The following YWHAE variants were observed in gnomAD, a reference collection of about 807,000 sequenced individuals.
The protein encoded by YWHAE is tyrosine 3-monooxygenase/tryptophan 5-monooxygenase activation protein epsilon.
YWHAE carries 4 observed loss-of-function variants against 30.1 expected under a neutral mutation model. That is an observed-to-expected ratio of 0.13 (90% CI 0.07 to 0.30). The LOEUF is 0.30. Among genes scored for constraint, YWHAE ranks in the 10% least tolerant of loss-of-function variants. YWHAE has a pLI of 1.00. For synonymous variants in YWHAE, 118 were observed against 111.8 expected (o/e 1.06, Z -0.35); for missense variants, 121 against 315.9 (o/e 0.38, Z 4.68).
At chr17:1,360,303 T>G (rs1389352435) in intron 4 of YWHAE, among the ~76,000 whole-genome samples, 2 of 152,132 alleles carry the variant, frequency 1.3e-5, no homozygotes, top group East Asian at 3.9e-4. Flanking sequence ...TACGTATAAA[T>G]ATTCCTTACA....
At chr17:1,381,047 G>C (rs576986238) in intron 1 of YWHAE, among the ~76,000 whole-genome samples, 1 of 152,248 alleles carries the variant, frequency 6.6e-6, no homozygotes, top group African/African-American at 2.4e-5. Flanking sequence ...ACTCACAAGG[G>C]GAAAGTTGTT....
chr17:1,380,200 G>A (rs1381209455), intron 1 of YWHAE, among the ~76,000 whole-genome samples: 1 of 145,594 alleles, frequency 6.9e-6, no homozygotes, highest in African/African-American at 2.6e-5. Flanking sequence ...TGCAACCTCC[G>A]CCTCCCGGGT....
rs528585460 is a variant in YWHAE at position 1,383,059 on chromosome 17, T to C, written c.64+16988A>G. On this transcript the variant is annotated intron_variant, in intron 1 of 5. Transcript: ENST00000264335. ...AAAAAAAAAAAAGGCAAAACAAAAGTGGAAAAACTGGCTGGTCGTGGTGGC... is the reference window on the plus strand; with the variant it reads ...AAAAAAAAAAAAGGCAAAACAAAAGCGGAAAAACTGGCTGGTCGTGGTGGC... Among the ~76,000 whole-genome samples the C allele has an allele frequency of 6.9e-3, 975 of 141,550 alleles. 13 individuals are homozygous for C. Among genetic ancestry groups the C allele is most frequent in the African/African-American group, 0.017 (635 of 38,400 alleles). The allele number at this position is 141,550 out of a possible 152,430, so 92.9% of individuals were successfully genotyped here.
In YWHAE at chr17:1,368,469, C is replaced by A. The variant is rs148131830; in HGVS notation, c.65-3411G>T. The stretch of plus-strand genomic sequence containing the variant: ...GTGCCAGCTACTCGGGAGGCTGAGG[C>A]AGGGGAATCGCTTGAACCCCGGAGA... On this transcript the variant is annotated intron_variant, in intron 1 of 5. Transcript: ENST00000264335. 3.2e-3 allele frequency among the ~76,000 whole-genome samples: 477 copies of A among 151,352 alleles called. 1 individual carries two copies. The highest frequency in any genetic ancestry group is 0.011 in the African/African-American group (447 of 41,206).
At chr17:1,368,698 G>C (rs1417562082) in intron 1 of YWHAE, among the ~76,000 whole-genome samples, 1 of 151,956 alleles carries the variant, frequency 6.6e-6, no homozygotes, top group Non-Finnish European at 1.5e-5. Context: ...TCTAAATTTA[G>C]AAGCAGTGGA....
At chr17:1,390,213 GTC>G (rs1182928714) in intron 1 of YWHAE, among the ~76,000 whole-genome samples, 1 of 152,136 alleles carries the variant, frequency 6.6e-6, no homozygotes, top group Non-Finnish European at 1.5e-5. Flanking sequence ...TAAGGAGAAA[GTC>G]TCTTATTAAT....
chr17:1,367,540 G>T (rs898573784), intron 1 of YWHAE, among the ~76,000 whole-genome samples: 2 of 152,152 alleles, frequency 1.3e-5, no homozygotes, highest in Non-Finnish European at 2.9e-5. Context: ...CCTGCAGTGA[G>T]CTATTAGGTT....
At position 1,374,699 on chromosome 17, in the gene YWHAE, C is replaced by A. The variant is rs565265538; in HGVS notation, c.65-9641G>T. On this transcript the variant is annotated intron_variant, in intron 1 of 5. Transcript: ENST00000264335. The stretch of plus-strand genomic sequence containing the variant: ...TAACTAATAGTGTTGAACACCTTTT[C>A]ATGTGCTTATGAGCCTTTTGCGTAT... 2.0e-5 allele frequency among the ~76,000 whole-genome samples: 3 copies of A among 152,306 alleles called. No individual in the cohort carries two copies. The South Asian group carries it at 6.2e-4, about 32-fold the overall frequency.
At chr17:1,382,576 G>C (rs796306003) in intron 1 of YWHAE, among the ~76,000 whole-genome samples, 2 of 150,170 alleles carry the variant, frequency 1.3e-5, no homozygotes, top group African/African-American at 4.9e-5. Flanking sequence ...TAGCCAGGAT[G>C]ATCTCAATCT....
chr17:1,365,475 G>C (rs1598244098), intron 1 of YWHAE, among the ~76,000 whole-genome samples: 1 of 152,150 alleles, frequency 6.6e-6, no homozygotes, highest in Admixed American at 6.6e-5. Flanking sequence ...ACAAAAGGAA[G>C]GGGAATTTGT....
chr17:1,386,530 G>A (rs1451174928), intron 1 of YWHAE, among the ~76,000 whole-genome samples: 1 of 152,164 alleles, frequency 6.6e-6, no homozygotes, highest in East Asian at 1.9e-4. Context: ...ATGAGTTTGG[G>A]AACTTGTTTT....
intron 3 of YWHAE, 41 bp from the exon 4 acceptor site, chr17:1,361,339 ACTAGGAACGATTTTT>A: frequency 6.8e-7 from 1 of 1,477,192 alleles, no homozygotes; most frequent in Non-Finnish European, 9.2e-7. Flanking sequence ...AAAAATTTAA[ACTAGGAACGATTTTT>A]AAAGGAAAAT....
At chr17:1,399,130 A>C (rs2073522317) in intron 1 of YWHAE, 1 of 152,148 alleles carries the variant, frequency 6.6e-6, no homozygotes. Context: ...TCGTTTTTAC[A>C]AACGGGGGGA....
intron 4 of YWHAE, among the ~76,000 whole-genome samples, chr17:1,360,784 A>G (rs1312724003): frequency 6.6e-6 from 1 of 152,148 alleles, no homozygotes; most frequent in East Asian, 1.9e-4. Context: ...AAAAAGACTG[A>G]AAACTAATAT....
chr17:1,371,209 A>G (rs2073037811), intron 1 of YWHAE, among the ~76,000 whole-genome samples: 1 of 151,436 alleles, frequency 6.6e-6, no homozygotes. Context: ...CAGCCTCCTG[A>G]GTAGCTGGGA....
chr17:1,370,335 G>T (rs1422427607), intron 1 of YWHAE, among the ~76,000 whole-genome samples: 3 of 151,788 alleles, frequency 2.0e-5, no homozygotes, highest in Non-Finnish European at 4.4e-5. Flanking sequence ...GTTTCACCAT[G>T]TTAGCCAGGA....
intron 5 of YWHAE, 83 bp downstream of exon 5, chr17:1,354,128 C>T (rs1483594952): frequency 2.1e-5 from 32 of 1,509,026 alleles, no homozygotes; most frequent in Middle Eastern, 1.9e-4. Flanking sequence ...CTTGATATAA[C>T]GACAAGCCAA....
At chr17:1,393,868 C>T (rs1346878731) in intron 1 of YWHAE, among the ~76,000 whole-genome samples, 6 of 151,964 alleles carry the variant, frequency 3.9e-5, no homozygotes, top group African/African-American at 7.3e-5. Flanking sequence ...ATTTTAATTT[C>T]GCTGTGCCTT....
intron 1 of YWHAE, 174 bp downstream of exon 1, chr17:1,399,873 G>A: frequency 9.4e-6 from 7 of 747,820 alleles, no homozygotes; most frequent in Non-Finnish European, 1.4e-5. Context: ...TCACATTCCA[G>A]GGCATAGAGC....
Sources: gnomAD v4.1 joint callset for allele counts (sites outside exome capture counted in the v4.1 genomes callset) on GRCh38, gnomAD v4.1.1 for gene constraint, MANE v1.5 for transcripts, NCBI Gene and HGNC (gene_info 2026-07-23, HGNC 2026-07-21) for gene names.